The following PCCA variants were observed in gnomAD, a reference collection of about 807,000 sequenced individuals.
The protein encoded by PCCA is propionyl-CoA carboxylase subunit alpha.
PCCA carries 74 observed loss-of-function variants against 101.3 expected under a neutral mutation model. The observed-to-expected ratio is 0.73, with a 90% confidence interval of 0.61 to 0.89. The LOEUF (loss-of-function observed/expected upper bound fraction) is 0.89. PCCA is among the 40% of genes least tolerant of loss of function. The pLI is 0.00. For missense variants in PCCA, 891 were observed against 907.0 expected (o/e 0.98, Z 0.23); for synonymous variants, 294 against 313.6 (o/e 0.94, Z 0.66).
At chr13:100,185,323 T>C (rs1354115417) in intron 6 of PCCA, among the ~76,000 whole-genome samples, 2 of 152,142 alleles carry the variant, frequency 1.3e-5, no homozygotes, top group Non-Finnish European at 2.9e-5. Context: ...TTTCTTTCTC[T>C]CTTTTTATCT....
chr13:100,519,718 A>G (rs2087091842), intron 22 of PCCA, among the ~76,000 whole-genome samples: 1 of 152,256 alleles, frequency 6.6e-6, no homozygotes, highest in Non-Finnish European at 1.5e-5. Context: ...AGAACTGGCA[A>G]ACTTGGTGAG....
intron 8 of PCCA, among the ~76,000 whole-genome samples, chr13:100,237,943 T>TTTC (rs2060902104): frequency 1.9e-5 from 2 of 106,732 alleles, no homozygotes; most frequent in Non-Finnish European, 4.3e-5. Context: ...TTCTTTCTTT[T>TTTC]TTTTTTTTTT....
At chr13:100,420,170 T>A (rs768970075) in intron 19 of PCCA, among the ~76,000 whole-genome samples, 2 of 152,244 alleles carry the variant, frequency 1.3e-5, no homozygotes, top group Non-Finnish European at 2.9e-5. Context: ...ATTTAATTTG[T>A]TAGCTTTTAT....
intron 4 of PCCA, among the ~76,000 whole-genome samples, chr13:100,136,183 G>GTT (rs35796452): frequency 2.7e-4 from 28 of 102,512 alleles, no homozygotes; most frequent in Non-Finnish European, 3.6e-4. Flanking sequence ...GTATAAAATT[G>GTT]TTTTTTTTTT....
chr13:100,340,040 C>A, intron 17 of PCCA, 117 bp from the exon 18 acceptor site: 1 of 726,534 alleles, frequency 1.4e-6, no homozygotes, highest in Non-Finnish European at 2.5e-6. Flanking sequence ...ACAATCCTAG[C>A]TGCATAATAG....
At chr13:100,236,179 A>G (rs965276181) in intron 8 of PCCA, among the ~76,000 whole-genome samples, 3 of 152,252 alleles carry the variant, frequency 2.0e-5, no homozygotes, top group East Asian at 1.9e-4. Flanking sequence ...ATGTCAATTT[A>G]TATGTACATA....
intron 4 of PCCA, among the ~76,000 whole-genome samples, chr13:100,129,646 C>A (rs1423536230): frequency 6.6e-6 from 1 of 152,142 alleles, no homozygotes; most frequent in African/African-American, 2.4e-5. Context: ...CAGATTAGTC[C>A]CAGCAGCTTG....
chr13:100,158,209 G>A (rs544584764), intron 6 of PCCA, among the ~76,000 whole-genome samples: 75 of 152,262 alleles, frequency 4.9e-4, no homozygotes, highest in Middle Eastern at 3.4e-3. Context: ...ATGTAAACAG[G>A]GAAGATACAG....
chr13:100,528,670 G>A (rs755473862), intron 23 of PCCA, among the ~76,000 whole-genome samples: 2 of 152,194 alleles, frequency 1.3e-5, no homozygotes, highest in Admixed American at 6.5e-5. Flanking sequence ...CCAGCCCGCC[G>A]GTCTGGAGGG....
chr13:100,441,382 G>C (rs1424218385), intron 20 of PCCA, among the ~76,000 whole-genome samples: 1 of 152,112 alleles, frequency 6.6e-6, no homozygotes, highest in South Asian at 2.1e-4. Context: ...TCCTCTTACT[G>C]TTCAGTGACA....
At chr13:100,296,662 T>C (rs1226184455) in intron 12 of PCCA, among the ~76,000 whole-genome samples, 4 of 152,232 alleles carry the variant, frequency 2.6e-5, no homozygotes, top group African/African-American at 7.2e-5. Flanking sequence ...ACATTTACTT[T>C]ATCTTTCTAT....
chr13:100,102,704 C>G (rs1162414807), intron 1 of PCCA, among the ~76,000 whole-genome samples, 179 bp from the exon 2 acceptor site: 1 of 152,112 alleles, frequency 6.6e-6, no homozygotes, highest in African/African-American at 2.4e-5. Flanking sequence ...TCTTACATAC[C>G]AAGGGGCTGT....
chr13:100,512,481 C>T (rs2086556173), intron 21 of PCCA, among the ~76,000 whole-genome samples: 1 of 152,184 alleles, frequency 6.6e-6, no homozygotes, highest in Non-Finnish European at 1.5e-5. Flanking sequence ...TTTTCAAGAA[C>T]ATTTTTTTTC....
Position 100,273,278 on chromosome 13 carries a change from G to T in PCCA, c.997G>T (p.Gly333Trp). The change falls in exon 12 of 24, where the codon GGG becomes TGG. Residue 333 changes from glycine (G) to tryptophan (W), a missense_variant. Coordinates refer to ENST00000376285, the MANE Select transcript of PCCA (RefSeq NM_000282.4). ...CAGAGCAGTAAAATATTCCTCTGCT[G>T]GGACCGTGGAGTTCCTTGTGGACTC... Reference protein sequence around the residue: ...LARAVKYSSAGTVEFLVDSKK... With the variant: ...LARAVKYSSAWTVEFLVDSKK... 1 of 1,611,994 alleles carries T rather than the reference G, an allele frequency of 6.2e-7. No homozygotes were observed. Among genetic ancestry groups the T allele is most frequent in the Non-Finnish European group, 8.5e-7 (1 of 1,178,076 alleles).
intron 4 of PCCA, among the ~76,000 whole-genome samples, chr13:100,127,377 TAAG>T (rs1196583309): frequency 1.3e-5 from 2 of 152,176 alleles, no homozygotes. Flanking sequence ...AATTTTAAAT[TAAG>T]AAAAAAGTGA....
intron 18 of PCCA, among the ~76,000 whole-genome samples, chr13:100,345,926 A>C (rs757306820): frequency 2.0e-5 from 3 of 151,866 alleles, no homozygotes; most frequent in Non-Finnish European, 4.4e-5. Context: ...CAAAATGTAC[A>C]TTTACAGCAT....
chr13:100,326,968 C>T (rs2068762227), intron 16 of PCCA, among the ~76,000 whole-genome samples: 2 of 152,036 alleles, frequency 1.3e-5, no homozygotes. Context: ...ACCCCTAATC[C>T]TCATGTTATT....
In PCCA at chr13:100,336,280, A is replaced by G. The variant is rs139251511; in HGVS notation, c.1541-3877A>G. ...TCTGTCTCAAGAAACAAAAACAAAC[A>G]AACACACACCCAAAAAACAGAAAAC... On this transcript the variant is annotated intron_variant, in intron 17 of 23. Transcript: ENST00000376285. Among the ~76,000 whole-genome samples, 10 of 152,230 alleles carry G rather than the reference A, an allele frequency of 6.6e-5. No homozygotes were observed. In the East Asian group the frequency reaches 1.9e-3, roughly 29 times the overall value.
chr13:100,331,934 ATTTTTTTT>A (rs34411352), intron 17 of PCCA, among the ~76,000 whole-genome samples: 1 of 89,768 alleles, frequency 1.1e-5, no homozygotes, highest in African/African-American at 4.6e-5. Flanking sequence ...ATTACTTTGG[ATTTTTTTT>A]TTTTTTTTTT....
Sources: gnomAD v4.1 joint callset for allele counts (sites outside exome capture counted in the v4.1 genomes callset) on GRCh38, gnomAD v4.1.1 for gene constraint, MANE v1.5 for transcripts, NCBI Gene and HGNC (gene_info 2026-07-23, HGNC 2026-07-21) for gene names.